SYNPR: variants seen among roughly 807,000 people sequenced by gnomAD.
The protein encoded by SYNPR is synaptoporin.
Under a neutral mutation model 32.9 loss-of-function variants are expected in SYNPR, and 23 were observed. The ratio of observed to expected loss-of-function variants is 0.70; its 90% CI spans 0.50 to 0.99. SYNPR has a LOEUF of 0.99. SYNPR is among the 50% of genes least tolerant of loss of function. SYNPR has a pLI of 0.00. For missense variants in SYNPR, 318 were observed against 349.3 expected (o/e 0.91, Z 0.71); for synonymous variants, 146 against 135.9 (o/e 1.07, Z -0.52).
chr3:63,278,244 C>T (rs952838304), upstream of SYNPR: 1 of 392,400 alleles, frequency 2.5e-6, no homozygotes, highest in Non-Finnish European at 4.6e-6. Flanking sequence ...TGACAGCCTT[C>T]CCCTGGCTCC....
intron 2 of SYNPR, among the ~76,000 whole-genome samples, chr3:63,264,396 G>GAA (rs3082043): frequency 6.6e-6 from 1 of 151,828 alleles, no homozygotes; most frequent in East Asian, 2.0e-4. Context: ...AAGCCTGTTT[G>GAA]AAAAAAATCA....
At chr3:63,510,497 G>C (rs1055986496) in intron 3 of SYNPR, among the ~76,000 whole-genome samples, 4 of 152,138 alleles carry the variant, frequency 2.6e-5, no homozygotes, top group African/African-American at 9.7e-5. Flanking sequence ...ATATGAACGT[G>C]CCAGTTGTGG....
At chr3:63,366,147 A>C (rs2087727645) in intron 2 of SYNPR, among the ~76,000 whole-genome samples, 1 of 152,212 alleles carries the variant, frequency 6.6e-6, no homozygotes, top group African/African-American at 2.4e-5. Flanking sequence ...ATTAGCTTTA[A>C]TTCTGGTACT....
chr3:63,313,362 C>T (rs958127708), intron 2 of SYNPR, among the ~76,000 whole-genome samples: 13 of 151,496 alleles, frequency 8.6e-5, no homozygotes, highest in African/African-American at 1.5e-4. Context: ...TCCCTCACCC[C>T]GCTCCCACTC....
At chr3:63,232,307 T>G (rs879449928) in intron 1 of SYNPR, among the ~76,000 whole-genome samples, 2 of 146,954 alleles carry the variant, frequency 1.4e-5, no homozygotes, top group Non-Finnish European at 3.0e-5. Flanking sequence ...GTTCAAATGA[T>G]TCTCGTGCCT....
intron 4 of SYNPR, among the ~76,000 whole-genome samples, chr3:63,585,109 C>T (rs1209183730): frequency 1.3e-5 from 2 of 151,948 alleles, no homozygotes; most frequent in African/African-American, 2.4e-5. Context: ...ATTCTGGGGG[C>T]AGGGAGCCTA....
chr3:63,513,760 A>G (rs1411110915), intron 3 of SYNPR, among the ~76,000 whole-genome samples: 1 of 152,108 alleles, frequency 6.6e-6, no homozygotes, highest in Non-Finnish European at 1.5e-5. Context: ...CTGAGTAAAT[A>G]ATCAAATGAA....
chr3:63,444,058 T>C (rs1253878193), intron 2 of SYNPR, among the ~76,000 whole-genome samples: 2 of 152,228 alleles, frequency 1.3e-5, no homozygotes, highest in African/African-American at 4.8e-5. Flanking sequence ...AGTCCTAGCA[T>C]GCCATGAAAA....
At chr3:63,354,392 T>A (rs2087548065) in intron 2 of SYNPR, among the ~76,000 whole-genome samples, 1 of 152,190 alleles carries the variant, frequency 6.6e-6, no homozygotes, top group Admixed American at 6.5e-5. Context: ...TAGGGCTGTG[T>A]GGGCAAAGCC....
At chr3:63,516,680 C>G (rs76131359) in intron 3 of SYNPR, among the ~76,000 whole-genome samples, 3 of 152,064 alleles carry the variant, frequency 2.0e-5, no homozygotes, top group Non-Finnish European at 4.4e-5. Flanking sequence ...CCAAAGACTA[C>G]GGTCTTTCTT....
chr3:63,577,497 G>A (rs978541521), intron 4 of SYNPR, among the ~76,000 whole-genome samples: 2 of 152,056 alleles, frequency 1.3e-5, no homozygotes, highest in Non-Finnish European at 2.9e-5. Context: ...GACAGGAGAA[G>A]GTCAAATGTG....
chr3:63,518,970 A>G, intron 3 of SYNPR, among the ~76,000 whole-genome samples: 1 of 152,228 alleles, frequency 6.6e-6, no homozygotes, highest in East Asian at 1.9e-4. Flanking sequence ...TTTAACATCA[A>G]GGGATGATGA....
intron 2 of SYNPR, among the ~76,000 whole-genome samples, chr3:63,361,559 C>T (rs1425868557): frequency 4.1e-5 from 6 of 146,210 alleles, no homozygotes; most frequent in Non-Finnish European, 5.9e-5. Context: ...GATTGCACCA[C>T]TGCGCTCCAG....
At chr3:63,232,415 C>A (rs2086173617) in intron 1 of SYNPR, among the ~76,000 whole-genome samples, 1 of 152,016 alleles carries the variant, frequency 6.6e-6, no homozygotes, top group African/African-American at 2.4e-5. Flanking sequence ...GTTGGCCAGG[C>A]TGGTCTCGAG....
chr3:63,367,830 A>G (rs1199275834), intron 2 of SYNPR, among the ~76,000 whole-genome samples: 1 of 152,126 alleles, frequency 6.6e-6, no homozygotes, highest in Non-Finnish European at 1.5e-5. Flanking sequence ...CCAGATCTGA[A>G]GTTTGGATTT....
intron 2 of SYNPR, among the ~76,000 whole-genome samples, chr3:63,367,374 A>ATTTAT (rs2087739300): frequency 9.9e-6 from 1 of 100,690 alleles, no homozygotes; most frequent in African/African-American, 5.2e-5. Flanking sequence ...TATTTATTTA[A>ATTTAT]TTTTAGATAA....
At chr3:63,465,462 A>C (rs1038004786) in intron 2 of SYNPR, among the ~76,000 whole-genome samples, 6 of 152,138 alleles carry the variant, frequency 3.9e-5, no homozygotes, top group Non-Finnish European at 8.8e-5. Flanking sequence ...ATTGAACAAA[A>C]AACTATTGGA....
chr3:63,335,891 C>T (rs958349940), intron 2 of SYNPR, among the ~76,000 whole-genome samples: 1 of 148,670 alleles, frequency 6.7e-6, no homozygotes, highest in Non-Finnish European at 1.5e-5. Flanking sequence ...ATTCTTCTGC[C>T]TCAGCCTCCC....
chr3:63,468,194 C>CAA (rs552378431), intron 2 of SYNPR, among the ~76,000 whole-genome samples: 17 of 80,790 alleles, frequency 2.1e-4, no homozygotes, highest in South Asian at 4.6e-4. Flanking sequence ...AACTCCATCT[C>CAA]AAAAAAAAAA....
Sources: allele counts gnomAD v4.1 joint callset (sites outside exome capture counted in the v4.1 genomes callset), GRCh38; gene constraint gnomAD v4.1.1; transcripts MANE v1.5; gene names NCBI Gene and HGNC (gene_info 2026-07-23, HGNC 2026-07-21).